The following CMIP variants were observed in gnomAD, a reference collection of about 807,000 sequenced individuals.
CMIP encodes the protein C-Maf-inducing protein.
CMIP carries 13 observed loss-of-function variants against 97.3 expected under a neutral mutation model. The ratio of observed to expected loss-of-function variants is 0.13; its 90% confidence interval spans 0.09 to 0.21. The LOEUF (loss-of-function observed/expected upper bound fraction) is 0.21, where lower values mean the gene tolerates loss of function less well. CMIP is among the 10% of genes least tolerant of loss of function. The probability of loss-of-function intolerance (pLI) is 1.00; values close to 1 mark genes in which losing one functional copy is unlikely to be tolerated. For missense variants in CMIP, 847 were observed against 1,024.9 expected, an observed-to-expected ratio of 0.83 and a Z score of 2.37; for synonymous variants, 538 against 436.3, an observed-to-expected ratio of 1.23 and a Z score of -2.91.
chr16:81,596,144 C>A (rs554793645), intron 1 of CMIP, among the ~76,000 whole-genome samples: 4 of 152,190 alleles, frequency 2.6e-5, no homozygotes, highest in African/African-American at 9.6e-5. Context: ...TCAGAGATAC[C>A]AAGCGACTTG....
intron 1 of CMIP, among the ~76,000 whole-genome samples, chr16:81,508,655 G>A (rs2089754745): frequency 6.6e-6 from 1 of 152,200 alleles, no homozygotes; most frequent in Admixed American, 6.5e-5. Flanking sequence ...ATGCACCTCT[G>A]GAATATTGAT....
At chr16:81,446,355 T>C (rs957965354) in intron 1 of CMIP, among the ~76,000 whole-genome samples, 5 of 151,932 alleles carry the variant, frequency 3.3e-5, no homozygotes, top group African/African-American at 1.2e-4. Context: ...GAAAAACCAT[T>C]GATCTGTTTC....
At chr16:81,581,410 A>G (rs1260500405) in intron 1 of CMIP, among the ~76,000 whole-genome samples, 1 of 152,174 alleles carries the variant, frequency 6.6e-6, no homozygotes, top group Non-Finnish European at 1.5e-5. Flanking sequence ...TTCCTAGGCC[A>G]CAAACCTGTA....
chr16:81,572,978 T>A (rs2150892007), intron 1 of CMIP, among the ~76,000 whole-genome samples: 1 of 152,270 alleles, frequency 6.6e-6, no homozygotes, highest in Middle Eastern at 3.4e-3. Context: ...GAGAGAGAAA[T>A]GTAGATAACC....
intron 1 of CMIP, among the ~76,000 whole-genome samples, chr16:81,524,701 C>T (rs181483790): frequency 3.3e-5 from 5 of 152,330 alleles, no homozygotes; most frequent in African/African-American, 1.2e-4. Context: ...AGCCACCCAG[C>T]GACTCAGCTG....
intron 3 of CMIP, among the ~76,000 whole-genome samples, chr16:81,639,675 T>G (rs951048559): frequency 6.6e-6 from 1 of 152,212 alleles, no homozygotes; most frequent in East Asian, 1.9e-4. Flanking sequence ...TGCTTCTGCC[T>G]TTTGGCTGTT....
Position 81,616,862 on chromosome 16 carries a change from G to A in CMIP, c.427-4014G>A, listed in dbSNP as rs1373056460. The stretch of plus-strand genomic sequence containing the variant: ...TTAGACATCAAGTGCTGCTGTGAGA[G>A]GCAGGCTACGAGGACCCAGCTAAGA... On this transcript the variant is annotated intron_variant, in intron 2 of 20. Coordinates refer to ENST00000537098, the MANE Select transcript of CMIP (RefSeq NM_198390.3). The surrounding 1 kb of genome is among the most constrained non-coding windows in gnomAD (Gnocchi z 4.7). Among the ~76,000 whole-genome samples the A allele has an allele frequency of 6.6e-6, 1 of 152,250 alleles. No homozygotes were observed. Among genetic ancestry groups the A allele is most frequent in the African/African-American group, 2.4e-5 (1 of 41,470 alleles).
intron 3 of CMIP, among the ~76,000 whole-genome samples, chr16:81,638,148 C>T (rs914281008): frequency 5.3e-5 from 8 of 152,206 alleles, no homozygotes; most frequent in African/African-American, 1.4e-4. Context: ...ACATGGCCTG[C>T]GCCTCCTCTG....
chr16:81,602,585 C>T (rs922413217), intron 1 of CMIP, among the ~76,000 whole-genome samples: 8 of 152,358 alleles, frequency 5.3e-5, no homozygotes, highest in East Asian at 1.9e-4. Context: ...CCCTGCCCCT[C>T]GCCCGCCCCA....
At chr16:81,685,997 T>C (rs556763751) in intron 10 of CMIP, among the ~76,000 whole-genome samples, 136 of 152,304 alleles carry the variant, frequency 8.9e-4, no homozygotes, top group Non-Finnish European at 1.2e-3. Context: ...ATCCCAGCTC[T>C]CACCAGCTGT....
rs185895628 is a variant in CMIP, at chr16:81,643,745, T to C, written c.478-8458T>C. Among the ~76,000 whole-genome samples the C allele has an allele frequency of 9.9e-5, 15 of 152,278 alleles. No homozygotes were observed. The East Asian group carries it at 2.7e-3, about 27-fold the overall frequency. Reference sequence around the variant, plus strand: ...AGGCAAAGGTTGCAGTGAGCCGAGGTCATGCCACTGCCTGGGTGACAGAGC... The same window carrying C: ...AGGCAAAGGTTGCAGTGAGCCGAGGCCATGCCACTGCCTGGGTGACAGAGC... On this transcript the variant is annotated intron_variant, in intron 3 of 20. Transcript: ENST00000537098.
At chr16:81,578,379 T>C (rs887926241) in intron 1 of CMIP, among the ~76,000 whole-genome samples, 6 of 152,266 alleles carry the variant, frequency 3.9e-5, no homozygotes, top group Admixed American at 3.9e-4. Flanking sequence ...CAGAGTCCCT[T>C]AATCTCTCCC....
At position 81,582,351 on chromosome 16, in the gene CMIP, G is replaced by A. The variant is rs373287877; in HGVS notation, c.301-25216G>A. On this transcript the variant is annotated intron_variant, in intron 1 of 20. Coordinates refer to ENST00000537098, the MANE Select transcript of CMIP (RefSeq NM_198390.3). ...GCCAGGGTGTCCCCAGTCTCCTTGA[G>A]CGTGACAGGGCCAAGGCAGTGCTTC... 2.6e-5 allele frequency among the ~76,000 whole-genome samples: 4 copies of A among 152,120 alleles called. No homozygotes were observed. The East Asian group carries it at 5.8e-4, about 22-fold the overall frequency.
At chr16:81,530,803 G>A (rs944165695) in intron 1 of CMIP, among the ~76,000 whole-genome samples, 2 of 152,122 alleles carry the variant, frequency 1.3e-5, no homozygotes, top group Admixed American at 1.3e-4. Context: ...TGCTAGGCAC[G>A]TACCCTCTTT....
chr16:81,703,159 G>T (rs1206915104), intron 17 of CMIP, among the ~76,000 whole-genome samples: 2 of 152,092 alleles, frequency 1.3e-5, no homozygotes, highest in African/African-American at 4.8e-5. Flanking sequence ...CTCCATTCCA[G>T]CCAGCAGGAA....
rs757336119 is a variant in CMIP at position 81,701,647 on chromosome 16, C to T, written c.1756-13C>T. The T allele has an allele frequency of 2.7e-5, 43 of 1,613,592 alleles. No homozygotes were observed. The highest frequency in any genetic ancestry group is 3.3e-5 in the South Asian group (3 of 91,086). Reference sequence around the variant, plus strand: ...AGGCCGGGTCCGTAATGCACCCCTGCGGTTCTGGACAGATCCTGTGCTTGA... The same window carrying T: ...AGGCCGGGTCCGTAATGCACCCCTGTGGTTCTGGACAGATCCTGTGCTTGA... On this transcript the variant is annotated splice_polypyrimidine_tract_variant and intron_variant, in intron 15 of 20. Coordinates refer to ENST00000537098, the MANE Select transcript of CMIP (RefSeq NM_198390.3).
chr16:81,584,013 G>A (rs571354708), intron 1 of CMIP, among the ~76,000 whole-genome samples: 1 of 152,346 alleles, frequency 6.6e-6, no homozygotes, highest in East Asian at 1.9e-4. Flanking sequence ...GCAAGGGAAG[G>A]TGTGGAGGAA....
At chr16:81,524,460 C>A (rs1471449105) in intron 1 of CMIP, among the ~76,000 whole-genome samples, 2 of 152,236 alleles carry the variant, frequency 1.3e-5, no homozygotes, top group African/African-American at 4.8e-5. Flanking sequence ...TCATCTGTAA[C>A]GTGTTAGCCA....
chr16:81,543,047 T>A (rs2090478015), intron 1 of CMIP, among the ~76,000 whole-genome samples: 1 of 152,222 alleles, frequency 6.6e-6, no homozygotes, highest in Admixed American at 6.5e-5. Context: ...CACGGGGTGC[T>A]GGTCTGAGCC....
Sources: allele counts gnomAD v4.1 joint callset (sites outside exome capture counted in the v4.1 genomes callset), GRCh38; gene constraint gnomAD v4.1.1; non-coding constraint Gnocchi (gnomAD v3.1); transcripts MANE v1.5; gene names NCBI Gene and HGNC (gene_info 2026-07-23, HGNC 2026-07-21).